Variants in RENBP observed in about 807,000 individuals in gnomAD.
RENBP encodes the protein renin binding protein, also known as N-acylglucosamine 2-epimerase.
A neutral mutation model predicts 37.8 loss-of-function variants in RENBP; 16 were observed. The observed-to-expected ratio is 0.42, with a 90% CI of 0.29 to 0.64. The LOEUF (loss-of-function observed/expected upper bound fraction) is 0.64. Among genes scored for constraint, RENBP ranks in the 30% least tolerant of loss-of-function variants. The probability of loss-of-function intolerance (pLI) is 0.19; values close to 1 mark genes in which losing one functional copy is unlikely to be tolerated. For missense variants in RENBP, 347 were observed against 379.5 expected (o/e 0.91, Z 0.71); for synonymous variants, 170 against 154.8 (o/e 1.10, Z -0.73).
In RENBP at chrX:153,944,417, T is replaced by C. The variant is rs138548063; in HGVS notation, c.29A>G (p.Asp10Gly). 2.1e-3 allele frequency: 2,554 copies of C among 1,205,468 alleles called. 3 individuals are homozygous for C. The highest frequency in any genetic ancestry group is 2.7e-3 in the Non-Finnish European group (2,402 of 891,301). The part of the protein sequence containing the change: MSKGLPARQ[D>G]MEKERETLQA... ...CAGAGTCTCTCGCTCTTTCTCCATGTCCTAGGGGAAATGGGGCTTGAAGGC... is the reference window on the plus strand; with the variant it reads ...CAGAGTCTCTCGCTCTTTCTCCATGCCCTAGGGGAAATGGGGCTTGAAGGC... The change falls in exon 2 of 11, where the codon GAC (aspartate) becomes GGC (glycine). Residue 10 changes from aspartate (D) to glycine (G), a missense_variant and splice_region_variant. This residue lies in a region of RENBP where 244 missense variants were observed against 279.4 expected (regional missense o/e 0.87). Coordinates refer to ENST00000393700, the MANE Select transcript of RENBP (RefSeq NM_002910.6).
chrX:153,942,521 G>T, intron 6 of RENBP: 1 of 280,893 alleles, frequency 3.6e-6, no homozygotes, highest in Non-Finnish European at 6.2e-6. Flanking sequence ...ACAGGCACGA[G>T]CCACCGCGTC....
rs782536619 is a variant in RENBP, at chrX:153,944,314, C to T, written c.132G>A (p.Glu44=). Residue 44 remains glutamate, a synonymous_variant, in exon 2 of 11, where the codon GAG becomes GAA. Coordinates refer to ENST00000393700, the MANE Select transcript of RENBP (RefSeq NM_002910.6). ...AFWMEHSHDQ[E]HGGFFTCLGR... The stretch of plus-strand genomic sequence containing the variant: ...TCCAGAAGCACGCCGAGTACCCGTG[C>T]TCCTGGTCGTGGGAGTGCTCCATCC... The T allele has an allele frequency of 1.7e-6, 2 of 1,209,809 alleles. No homozygotes were observed. Among genetic ancestry groups the T allele is most frequent in the East Asian group, 5.9e-5 (2 of 33,816 alleles).
Position 153,943,597 on chromosome X carries a change from G to A in RENBP, c.411C>T (p.Tyr137=), listed in dbSNP as rs782049909. The A allele has an allele frequency of 3.3e-6, 4 of 1,211,709 alleles. No individual in the cohort carries two copies. The highest frequency in any genetic ancestry group is 4.6e-4 in the Middle Eastern group (2 of 4,351). Residue 137 remains tyrosine (Y), a synonymous_variant, in exon 5 of 11, where the codon TAC becomes TAT. Coordinates refer to ENST00000393700, the MANE Select transcript of RENBP (RefSeq NM_002910.6). ...TCCACAGCTCGTTCATGGCCATGGT[G>A]TAGAAACACTCACTGAAGATGGTTC... ...VQRTIFSECF[Y]TMAMNELWRA... is the part of the protein sequence containing the mutation.
At chrX:153,938,785 T>G (rs1362738334) in intron 9 of RENBP, among the ~76,000 whole-genome samples, 1 of 93,356 alleles carries the variant, frequency 1.1e-5, no homozygotes, top group Non-Finnish European at 2.0e-5. Flanking sequence ...CTGTACTGTT[T>G]TTTTTTTTTT....
Position 153,935,511 on chromosome X carries a change from G to C in RENBP, c.1143C>G (p.Ser381=). The C allele has an allele frequency of 8.3e-7, 1 of 1,208,888 alleles. No individual in the cohort carries two copies. The highest frequency in any genetic ancestry group is 1.1e-6 in the Non-Finnish European group (1 of 893,205). The change falls in exon 10 of 11, where the codon TCC becomes TCG. Residue 381 remains serine, a synonymous_variant. Transcript: ENST00000393700. Reference sequence around the variant, plus strand: ...CACCTTTGAAAGGACCTCCCTTGATGGAGAGGGCCACCTTGCCCTCTCGGC... The same window carrying C: ...CACCTTTGAAAGGACCTCCCTTGATCGAGAGGGCCACCTTGCCCTCTCGGC... ...YLSREGKVAL[S]IKGGPFKGCF... is the part of the protein sequence containing the mutation.
chrX:153,941,925 G>GCGCCCC, intron 7 of RENBP, 25 bp downstream of exon 7: 14 of 708,469 alleles, frequency 2.0e-5, no homozygotes, highest in Non-Finnish European at 2.7e-5. Flanking sequence ...CTCCTGGGTG[G>GCGCCCC]CCCCCAGCCC....
chrX:153,943,170 C>T (rs1487831826), intron 5 of RENBP, 91 bp from the exon 6 acceptor site: 3 of 691,203 alleles, frequency 4.3e-6, no homozygotes, highest in Non-Finnish European at 6.2e-6. Flanking sequence ...AGAGCCAATT[C>T]CTCTCCTGAA....
In RENBP at chrX:153,935,584, AAC is replaced by A; in HGVS notation, c.1078-10_1078-9del. On this transcript the variant is annotated splice_polypyrimidine_tract_variant and intron_variant, in intron 9 of 10. Coordinates refer to ENST00000393700, the MANE Select transcript of RENBP (RefSeq NM_002910.6). ...GTACTCGGGATCGCGAAACTGGAAT[AAC>A]AGAGACAGTGACAGCTAGCGCCTGC... 1.7e-6 allele frequency: 2 copies of A among 1,199,180 alleles called. No homozygotes were observed. The highest frequency in any genetic ancestry group is 2.3e-6 in the Non-Finnish European group (2 of 884,853).
In RENBP at chrX:153,944,302, C is replaced by A. The variant is rs1181130436; in HGVS notation, c.137+7G>T. On this transcript the variant is annotated splice_region_variant and intron_variant, in intron 2 of 10. Transcript: ENST00000393700. ...CCTGCTGAGGACTCCAGAAGCACGC[C>A]GAGTACCCGTGCTCCTGGTCGTGGG... The A allele has an allele frequency of 8.3e-7, 1 of 1,202,088 alleles. No individual in the cohort carries two copies. Among genetic ancestry groups the A allele is most frequent in the Admixed American group, 2.2e-5 (1 of 45,910 alleles).
chrX:153,943,804 C>G, intron 4 of RENBP, 86 bp from the exon 5 acceptor site: 1 of 1,175,382 alleles, frequency 8.5e-7, no homozygotes, highest in Non-Finnish European at 1.2e-6. Flanking sequence ...TCCTTCGCTG[C>G]TTCTAGATCC....
At chrX:153,943,392 G>A (rs1557109940) in intron 5 of RENBP, 154 bp downstream of exon 5, 14 of 568,057 alleles carry the variant, frequency 2.5e-5, no homozygotes, top group Admixed American at 3.9e-5. Flanking sequence ...CTCCGTCTGC[G>A]CCCCTGTGGG....
chrX:153,944,478 C>T lies in RENBP; in HGVS notation c.28-60G>A, dbSNP rs1041797215. 2.7e-5 allele frequency: 32 copies of T among 1,167,940 alleles called. No homozygotes were observed. The African/African-American group carries it at 5.0e-4, about 18-fold the overall frequency. Reference sequence around the variant, plus strand: ...CATGGGACCTAGGCCCCCCCAGCCTCGGGAACCAGCCCTCAGGGATCTCCC... The same window carrying T: ...CATGGGACCTAGGCCCCCCCAGCCTTGGGAACCAGCCCTCAGGGATCTCCC... On this transcript the variant is annotated intron_variant, in intron 1 of 10. Coordinates refer to ENST00000393700, the MANE Select transcript of RENBP (RefSeq NM_002910.6).
chrX:153,941,731 T>C, intron 7 of RENBP, 78 bp from the exon 8 acceptor site: 1 of 807,466 alleles, frequency 1.2e-6, no homozygotes. Context: ...CAAAAGCCCC[T>C]GGCACCTCTC....
At chrX:153,936,548 C>G (rs1017413353) in intron 9 of RENBP, among the ~76,000 whole-genome samples, 1 of 109,559 alleles carries the variant, frequency 9.1e-6, no homozygotes, top group African/African-American at 3.3e-5. Flanking sequence ...AACAAAGAAC[C>G]CTGATGGAGG....
At chrX:153,944,472 C>A in intron 1 of RENBP, 54 bp from the exon 2 acceptor site, 1 of 1,171,795 alleles carries the variant, frequency 8.5e-7, no homozygotes, top group Non-Finnish European at 1.2e-6. Flanking sequence ...TAGGCCCCCC[C>A]AGCCTCGGGA....
chrX:153,940,502 G>GGTT (rs1363488623), intron 8 of RENBP, among the ~76,000 whole-genome samples: 2 of 111,946 alleles, frequency 1.8e-5, no homozygotes, highest in Non-Finnish European at 3.8e-5. Context: ...TCAGAGGTGT[G>GGTT]TAAACCAGAG....
At chrX:153,943,164 C>T in intron 5 of RENBP, 85 bp from the exon 6 acceptor site, 1 of 723,503 alleles carries the variant, frequency 1.4e-6, no homozygotes, top group Admixed American at 4.0e-5. Flanking sequence ...GGTGGGAGAG[C>T]CAATTCCTCT....
intron 8 of RENBP, among the ~76,000 whole-genome samples, chrX:153,940,483 G>C (rs782796887): frequency 8.9e-6 from 1 of 111,945 alleles, no homozygotes; most frequent in Non-Finnish European, 1.9e-5. Context: ...GCCTCCATAT[G>C]ACATGGTGTC....
At chrX:153,939,956 G>C (rs1484120812) in intron 9 of RENBP, 146 bp downstream of exon 9, 1 of 753,240 alleles carries the variant, frequency 1.3e-6, no homozygotes, top group Non-Finnish European at 1.9e-6. Flanking sequence ...AGGCTTCTTC[G>C]TTGACTGAAC....
Sources: allele counts gnomAD v4.1 joint callset (sites outside exome capture counted in the v4.1 genomes callset), GRCh38; gene constraint gnomAD v4.1.1; regional missense constraint gnomAD v4.1.1; transcripts MANE v1.5; gene names NCBI Gene and HGNC (gene_info 2026-07-23, HGNC 2026-07-21).